The following HMGA2 variants were observed in gnomAD, a reference collection of about 807,000 sequenced individuals.
HMGA2 encodes the protein high mobility group AT-hook 2, also known as high mobility group protein HMGI-C.
Under a neutral mutation model 19.1 loss-of-function variants are expected in HMGA2, and 8 were observed. The observed-to-expected ratio is 0.42, with a 90% CI of 0.25 to 0.76. The LOEUF (loss-of-function observed/expected upper bound fraction) is 0.76. Among genes scored for constraint, HMGA2 ranks in the 30% least tolerant of loss-of-function variants. The pLI is 0.28. For missense variants in HMGA2, 109 were observed against 136.3 expected (o/e 0.80, Z 1.00); for synonymous variants, 60 against 48.8 (o/e 1.23, Z -0.96).
At chr12:65,885,616 C>T (rs993474357) in intron 3 of HMGA2, among the ~76,000 whole-genome samples, 11 of 152,158 alleles carry the variant, frequency 7.2e-5, no homozygotes, top group African/African-American at 2.4e-4. Flanking sequence ...GAACAAATAA[C>T]ATGTTGGAAA....
At chr12:65,847,784 T>G (rs1161390614) in intron 3 of HMGA2, among the ~76,000 whole-genome samples, 2 of 152,224 alleles carry the variant, frequency 1.3e-5, no homozygotes, top group Non-Finnish European at 2.9e-5. Context: ...ATTGTTGATG[T>G]TAGTACAGTC....
chr12:65,849,736 A>ATTTTTTTTTTTTTTT lies in HMGA2; in HGVS notation c.249+11177_249+11191dup, dbSNP rs34541445. Among the ~76,000 whole-genome samples, 37 of 85,122 alleles carry ATTTTTTTTTTTTTTT rather than the reference A, an allele frequency of 4.3e-4. 1 individual carries two copies. The highest frequency in any genetic ancestry group is 4.9e-4 in the Non-Finnish European group (23 of 46,508). 55.8% of individuals were successfully genotyped at this position (85,122 alleles called of 152,430 possible). On this transcript the variant is annotated intron_variant, in intron 3 of 4. Transcript: ENST00000403681. ...AAACCAAGACAATGGTAGGCTCTGT[A>ATTTTTTTTTTTTTTT]TTTTTTTTTTTTTTTTTTTTTTTTG...
At chr12:65,875,479 A>AGTG (rs1477399402) in intron 3 of HMGA2, among the ~76,000 whole-genome samples, 1 of 151,618 alleles carries the variant, frequency 6.6e-6, no homozygotes, top group Non-Finnish European at 1.5e-5. Context: ...GCTGGAGTGC[A>AGTG]GTGGTGTGAT....
At chr12:65,835,918 A>T (rs1053435528) in intron 2 of HMGA2, among the ~76,000 whole-genome samples, 1 of 152,178 alleles carries the variant, frequency 6.6e-6, no homozygotes, top group Non-Finnish European at 1.5e-5. Context: ...TAACTGTGCA[A>T]TCTTACAGTT....
chr12:65,875,589 ATTTTTTTTTTTTTTTT>A (rs71096056), intron 3 of HMGA2, among the ~76,000 whole-genome samples: 677 of 26,104 alleles, frequency 0.026, 14 homozygotes, highest in African/African-American at 0.06. Context: ...GTGCCCGGCT[ATTTTTTTTTTTTTTTT>A]TTTTTTTTTT....
At chr12:65,892,475 A>G (rs1873952052) in intron 3 of HMGA2, among the ~76,000 whole-genome samples, 1 of 152,064 alleles carries the variant, frequency 6.6e-6, no homozygotes, top group African/African-American at 2.4e-5. Context: ...ATTAACACCA[A>G]CTCTGGACAG....
intron 3 of HMGA2, among the ~76,000 whole-genome samples, chr12:65,947,938 C>T (rs896164120): frequency 6.6e-5 from 10 of 152,108 alleles, no homozygotes; most frequent in African/African-American, 2.4e-4. Context: ...AAAATCAAAG[C>T]CGGGAAGTAC....
In HMGA2 at chr12:65,933,322, G is replaced by A. The variant is rs796305633; in HGVS notation, c.250-18061G>A. Among the ~76,000 whole-genome samples, 26 of 152,274 alleles carry A rather than the reference G, an allele frequency of 1.7e-4. 1 individual carries two copies. The highest frequency in any genetic ancestry group is 6.3e-4 in the African/African-American group (26 of 41,566). On this transcript the variant is annotated intron_variant, in intron 3 of 4. Coordinates refer to ENST00000403681, the MANE Select transcript of HMGA2 (RefSeq NM_003483.6). Reference sequence around the variant, plus strand: ...AGGAAAGACCTTTGCAGAACTCCATGAAAGTTTGTTTTTTATTATTGTACT... The same window carrying A: ...AGGAAAGACCTTTGCAGAACTCCATAAAAGTTTGTTTTTTATTATTGTACT...
chr12:65,859,384 C>T (rs781303927), intron 3 of HMGA2: 2 of 152,178 alleles, frequency 1.3e-5, no homozygotes, highest in Non-Finnish European at 2.9e-5. Flanking sequence ...ATTGTTCTTC[C>T]TCTGTCATTA....
intron 3 of HMGA2, among the ~76,000 whole-genome samples, chr12:65,884,342 T>C (rs1873570697): frequency 6.6e-6 from 1 of 152,134 alleles, no homozygotes; most frequent in South Asian, 2.1e-4. Context: ...ATAAGACAAA[T>C]ATTCCAAAAT....
intron 3 of HMGA2, among the ~76,000 whole-genome samples, chr12:65,947,384 G>A (rs908116260): frequency 1.3e-5 from 2 of 152,182 alleles, no homozygotes; most frequent in Admixed American, 1.3e-4. Flanking sequence ...TTACCGGCAT[G>A]AGCCACCACA....
intron 3 of HMGA2, among the ~76,000 whole-genome samples, chr12:65,893,079 C>T (rs117997078): frequency 1.3e-5 from 2 of 152,316 alleles, no homozygotes; most frequent in East Asian, 1.9e-4. Context: ...CACTGCACCC[C>T]GGTCACAGGC....
intron 3 of HMGA2, among the ~76,000 whole-genome samples, chr12:65,869,208 A>T (rs1383306): frequency 0.93 from 141,060 of 152,238 alleles, 65,405 homozygotes; most frequent in Admixed American, 0.94. Context: ...TAAATTAGGA[A>T]ATTACCATCA....
intron 3 of HMGA2, among the ~76,000 whole-genome samples, chr12:65,897,779 G>T (rs1440054745): frequency 1.3e-5 from 2 of 152,136 alleles, no homozygotes; most frequent in African/African-American, 4.8e-5. Context: ...GGCCAACGTG[G>T]TAAAACCCTG....
chr12:65,900,039 T>C lies in HMGA2; in HGVS notation c.250-51344T>C, dbSNP rs887710278. ...ACTTTTAAAATCTTTACGGATAGGGTAATATTTTAATACTTATAACGACTT... is the reference window on the plus strand; with the variant it reads ...ACTTTTAAAATCTTTACGGATAGGGCAATATTTTAATACTTATAACGACTT... On this transcript the variant is annotated intron_variant, in intron 3 of 4. Transcript: ENST00000403681. 9.8e-5 allele frequency among the ~76,000 whole-genome samples: 15 copies of C among 152,318 alleles called. 1 individual carries two copies. The highest frequency in any genetic ancestry group is 3.6e-4 in the African/African-American group (15 of 41,588).
intron 3 of HMGA2, among the ~76,000 whole-genome samples, chr12:65,847,510 G>A (rs1376847776): frequency 6.6e-6 from 1 of 152,104 alleles, no homozygotes; most frequent in Non-Finnish European, 1.5e-5. Flanking sequence ...TTTGAGGGTT[G>A]GGTGCATATC....
intron 3 of HMGA2, among the ~76,000 whole-genome samples, chr12:65,889,648 A>C (rs139280889): frequency 3.3e-5 from 5 of 152,332 alleles, no homozygotes; most frequent in African/African-American, 1.2e-4. Flanking sequence ...GTTGCTGACA[A>C]ACCTGTTTGA....
intron 3 of HMGA2, chr12:65,856,017 C>T (rs750886951): frequency 6.6e-6 from 1 of 151,908 alleles, no homozygotes; most frequent in Admixed American, 6.6e-5. Flanking sequence ...TTTGAATCAG[C>T]TGTAGACATT....
intron 3 of HMGA2, among the ~76,000 whole-genome samples, chr12:65,897,183 G>A (rs1158310055): frequency 6.6e-6 from 1 of 152,066 alleles, no homozygotes; most frequent in African/African-American, 2.4e-5. Flanking sequence ...ATCACATCAG[G>A]GTAAATGAGG....
Sources: gnomAD v4.1 joint callset for allele counts (sites outside exome capture counted in the v4.1 genomes callset) on GRCh38, gnomAD v4.1.1 for gene constraint, MANE v1.5 for transcripts, NCBI Gene and HGNC (gene_info 2026-07-23, HGNC 2026-07-21) for gene names.